ASIC2: variants seen among roughly 807,000 people sequenced by gnomAD.
The protein encoded by ASIC2 is acid-sensing ion channel 2.
Under a neutral mutation model 57.3 loss-of-function variants are expected in ASIC2, and 25 were observed. The observed-to-expected ratio is 0.44, with a 90% CI of 0.32 to 0.61. ASIC2 has a LOEUF of 0.61. Ranked by LOEUF, ASIC2 falls within the 20% of genes least tolerant of loss-of-function variation. The probability of loss-of-function intolerance (pLI) is 0.06; values close to 1 mark genes in which losing one functional copy is unlikely to be tolerated. For missense variants in ASIC2, 641 were observed against 738.1 expected (o/e 0.87, Z 1.52); for synonymous variants, 319 against 307.5 (o/e 1.04, Z -0.39).
In ASIC2 at chr17:34,085,776, C is replaced by G. The variant is rs1488552003; in HGVS notation, c.555+70202G>C. On this transcript the variant is annotated intron_variant, in intron 1 of 9. Coordinates refer to the ASIC2 transcript ENST00000359872. The stretch of plus-strand genomic sequence containing the variant: ...CCTGGTTTAGTCTTGGGAGAGTGTA[C>G]GTGTCGAGGAATTTATCCATTTCTT... Among the ~76,000 whole-genome samples, 4 of 151,964 alleles carry G rather than the reference C, an allele frequency of 2.6e-5. No homozygotes were observed. In the East Asian group the frequency reaches 7.7e-4, roughly 29 times the overall value.
chr17:33,937,151 G>C (rs138595542), intron 1 of ASIC2, among the ~76,000 whole-genome samples: 4,039 of 152,316 alleles, frequency 0.027, 91 homozygotes, highest in Middle Eastern at 0.11. Context: ...ACCCAGGCTG[G>C]AGTGTAGTGG....
chr17:33,052,735 CA>C (rs1183592445), intron 3 of ASIC2: 8 of 152,124 alleles, frequency 5.3e-5, no homozygotes, highest in Non-Finnish European at 1.0e-4. Context: ...AAGAAAATGC[CA>C]TGTGCTAACA....
At chr17:33,824,970 G>A (rs12452729) in intron 1 of ASIC2, among the ~76,000 whole-genome samples, 17,852 of 152,116 alleles carry the variant, frequency 0.12, 1,087 homozygotes, top group East Asian at 0.18. Context: ...CACCTCACAG[G>A]GTTGTGGATA....
At position 34,039,597 on chromosome 17, in the gene ASIC2, C is replaced by T. The variant is rs1908026965; in HGVS notation, c.555+116381G>A. On this transcript the variant is annotated intron_variant, in intron 1 of 9. Transcript: ENST00000359872. The stretch of plus-strand genomic sequence containing the variant: ...CAGGGCTGGTTCCCGGCCCGCTTCC[C>T]CCAGCAAACTCAAAGTAATCACTAA... The T allele has an allele frequency of 1.9e-6, 3 of 1,613,776 alleles. No individual in the cohort carries two copies. In the African/African-American group the frequency reaches 4.0e-5, roughly 22 times the overall value.
chr17:33,597,557 T>A (rs974558826), intron 1 of ASIC2, among the ~76,000 whole-genome samples: 1 of 152,232 alleles, frequency 6.6e-6, no homozygotes, highest in Non-Finnish European at 1.5e-5. Context: ...ATAAGGAGTT[T>A]AAATGAGTTT....
chr17:33,636,824 T>C (rs1031097099), intron 1 of ASIC2, among the ~76,000 whole-genome samples: 4 of 151,786 alleles, frequency 2.6e-5, no homozygotes, highest in Admixed American at 2.6e-4. Flanking sequence ...AACTCCATGC[T>C]TACAAAGCTG....
intron 1 of ASIC2, among the ~76,000 whole-genome samples, chr17:33,568,915 G>C (rs1916338452): frequency 6.6e-6 from 1 of 152,110 alleles, no homozygotes; most frequent in Non-Finnish European, 1.5e-5. Context: ...ATAGTCAATG[G>C]GAGCTTGATT....
chr17:33,973,418 G>T (rs549803172), intron 1 of ASIC2, among the ~76,000 whole-genome samples: 1 of 152,188 alleles, frequency 6.6e-6, no homozygotes, highest in Non-Finnish European at 1.5e-5. Context: ...TGCTTAAAGA[G>T]CCCTGGCAGA....
At chr17:33,068,407 C>A (rs542091885) in intron 3 of ASIC2, among the ~76,000 whole-genome samples, 2 of 152,146 alleles carry the variant, frequency 1.3e-5, no homozygotes, top group Non-Finnish European at 2.9e-5. Context: ...GTGGTGCATG[C>A]CTGTAATCTC....
intron 1 of ASIC2, among the ~76,000 whole-genome samples, chr17:33,574,851 A>ATT (rs10699380): frequency 0.3 from 43,502 of 142,962 alleles, 7,139 homozygotes; most frequent in African/African-American, 0.44. Context: ...CTCTGTTTCT[A>ATT]TTTTTTTTTT....
chr17:33,898,718 T>G (rs1915165228), intron 1 of ASIC2, among the ~76,000 whole-genome samples: 1 of 152,194 alleles, frequency 6.6e-6, no homozygotes, highest in African/African-American at 2.4e-5. Context: ...AGCATATCTT[T>G]TTATTGTCTT....
chr17:33,909,401 T>C (rs1456107368), intron 1 of ASIC2, among the ~76,000 whole-genome samples: 1 of 152,204 alleles, frequency 6.6e-6, no homozygotes, highest in Non-Finnish European at 1.5e-5. Context: ...TGGGGTGAGT[T>C]GGCAGGCACA....
At chr17:34,037,012 T>C (rs934273972) in intron 1 of ASIC2, 13 of 152,676 alleles carry the variant, frequency 8.5e-5, no homozygotes, top group African/African-American at 2.9e-4. Flanking sequence ...TGACCAAATG[T>C]ATTCTTTCAA....
chr17:33,448,737 T>C (rs1183885009), intron 1 of ASIC2, among the ~76,000 whole-genome samples: 1 of 152,246 alleles, frequency 6.6e-6, no homozygotes, highest in Non-Finnish European at 1.5e-5. Context: ...ATTTCTGTTG[T>C]TTAAGCCACT....
chr17:33,107,562 C>T (rs914179794), intron 2 of ASIC2, among the ~76,000 whole-genome samples: 2 of 152,168 alleles, frequency 1.3e-5, no homozygotes, highest in East Asian at 1.9e-4. Context: ...CATATTATCA[C>T]GGTGCCCCAC....
chr17:33,400,210 C>T (rs1045315030), intron 1 of ASIC2, among the ~76,000 whole-genome samples: 6 of 152,182 alleles, frequency 3.9e-5, no homozygotes, highest in African/African-American at 1.4e-4. Flanking sequence ...AGATGGGGGA[C>T]AACTGATTGG....
chr17:33,172,749 A>G (rs772902081), intron 1 of ASIC2, among the ~76,000 whole-genome samples: 2 of 152,208 alleles, frequency 1.3e-5, no homozygotes, highest in Admixed American at 1.3e-4. Context: ...CCAGACTGGT[A>G]GCCTCAGCAT....
At chr17:33,935,016 G>T (rs1374826697) in intron 1 of ASIC2, among the ~76,000 whole-genome samples, 1 of 152,214 alleles carries the variant, frequency 6.6e-6, no homozygotes, top group African/African-American at 2.4e-5. Context: ...CTCCCCAGAA[G>T]CTGGCTGTCT....
Position 33,640,204 on chromosome 17 carries a change from C to T in ASIC2, c.555+515774G>A, listed in dbSNP as rs540045899. 2.2e-4 allele frequency among the ~76,000 whole-genome samples: 33 copies of T among 151,476 alleles called. No individual in the cohort carries two copies. The East Asian group carries it at 4.5e-3, about 20-fold the overall frequency. On this transcript the variant is annotated intron_variant, in intron 1 of 9. Transcript: ENST00000359872. ...GCTGAAGTGAGGAGACAGGGAGAGG[C>T]GGGAAAGAGAGAGAGGAGAGAGAAA...
Sources: gnomAD v4.1 joint callset for allele counts (sites outside exome capture counted in the v4.1 genomes callset) on GRCh38, gnomAD v4.1.1 for gene constraint, MANE v1.5 for transcripts, NCBI Gene and HGNC (gene_info 2026-07-23, HGNC 2026-07-21) for gene names.